The following ANK3 variants were observed in gnomAD, a reference collection of about 807,000 sequenced individuals.
ANK3 encodes ankyrin-3.
A neutral mutation model predicts 370.9 loss-of-function variants in ANK3; 57 were observed. The observed-to-expected ratio is 0.15, with a 90% CI of 0.12 to 0.19. The LOEUF (loss-of-function observed/expected upper bound fraction) is 0.19. ANK3 is among the 10% of genes least tolerant of loss of function. The pLI is 1.00. For missense variants in ANK3, 4,439 were observed against 5,302.1 expected, an observed-to-expected ratio of 0.84 and a Z score of 5.06; for synonymous variants, 1,929 against 1,946.3, an observed-to-expected ratio of 0.99 and a Z score of 0.23.
chr10:60,203,027 C>T lies in ANK3; in HGVS notation c.1367G>A (p.Gly456Glu). The change falls in exon 12 of 44, where the codon GGA becomes GAA. Residue 456 changes from glycine (G) to glutamate (E), a missense_variant. By Grantham distance (98) the Gly-to-Glu change is moderately conservative. Transcript: ENST00000280772. ...VNIVSQLMHH[G>E]ASPNTTNVRG... ...CACATTGGTGGTGTTTGGTGAGGCT[C>T]CATGATGCATTAGTTGTGATACAAT... is the stretch of plus-strand genomic sequence containing the variant. 1 of 1,612,842 alleles carries T rather than the reference C, an allele frequency of 6.2e-7. No homozygotes were observed. The highest frequency in any genetic ancestry group is 8.5e-7 in the Non-Finnish European group (1 of 1,179,244).
At chr10:60,257,033 T>A (rs2097750210) in intron 7 of ANK3, among the ~76,000 whole-genome samples, 1 of 152,188 alleles carries the variant, frequency 6.6e-6, no homozygotes, top group South Asian at 2.1e-4. Flanking sequence ...CTTTGAGAAA[T>A]CTCCAAACTG....
chr10:60,545,415 T>C (rs1052762670), intron 2 of ANK3, among the ~76,000 whole-genome samples: 2 of 148,142 alleles, frequency 1.4e-5, no homozygotes, highest in Non-Finnish European at 3.0e-5. Flanking sequence ...ACTTCCAGAA[T>C]TGAAATTCTG....
At chr10:60,397,873 G>C (rs944765084) in intron 2 of ANK3, among the ~76,000 whole-genome samples, 1 of 152,108 alleles carries the variant, frequency 6.6e-6, no homozygotes, top group African/African-American at 2.4e-5. Context: ...AATACAACTC[G>C]AGAACAATTT....
chr10:60,186,347 C>CGCTCTT (rs2096330025), intron 17 of ANK3, among the ~76,000 whole-genome samples: 1 of 133,266 alleles, frequency 7.5e-6, no homozygotes, highest in African/African-American at 2.8e-5. Context: ...ATCTTTCTGT[C>CGCTCTT]TTTTTTTTTT....
At chr10:60,235,483 C>A (rs560972870) in intron 7 of ANK3, among the ~76,000 whole-genome samples, 8 of 150,822 alleles carry the variant, frequency 5.3e-5, no homozygotes, top group Non-Finnish European at 7.4e-5. Flanking sequence ...ATCTTACAGG[C>A]GCTATGATTA....
At chr10:60,725,860 G>A (rs776961149) in intron 1 of ANK3, among the ~76,000 whole-genome samples, 9 of 152,170 alleles carry the variant, frequency 5.9e-5, no homozygotes, top group Non-Finnish European at 8.8e-5. Flanking sequence ...GAAATTTTCC[G>A]AAACATAGGG....
At chr10:60,175,101 A>G (rs1297048244) in intron 18 of ANK3, among the ~76,000 whole-genome samples, 1 of 152,168 alleles carries the variant, frequency 6.6e-6, no homozygotes, top group African/African-American at 2.4e-5. Context: ...ATTATAATAC[A>G]GTGTTAGGAG....
intron 1 of ANK3, among the ~76,000 whole-genome samples, chr10:60,379,639 C>A (rs1439025557): frequency 6.6e-6 from 1 of 151,884 alleles, no homozygotes; most frequent in Non-Finnish European, 1.5e-5. Flanking sequence ...ACTGCATGTT[C>A]TCATTCATAC....
rs756312346 is a variant in ANK3 at position 60,208,222 on chromosome 10, A to G, written c.1008T>C (p.Ser336=). ...CCCCTTGTGTGGCCATGTGCAATGG[A>G]GATAATCCATTCTGGAACACATAAA... The part of the protein sequence containing the change: ...PILSKTKNGL[S]PLHMATQGDH... The change falls in exon 10 of 44, where the codon TCT becomes TCC. Residue 336 remains serine, a synonymous_variant. Coordinates refer to ENST00000280772, the MANE Select transcript of ANK3 (RefSeq NM_020987.5). 2 of 1,614,016 alleles carry G rather than the reference A, an allele frequency of 1.2e-6. No individual in the cohort carries two copies. The highest frequency in any genetic ancestry group is 4.5e-5 in the East Asian group (2 of 44,882).
In ANK3 at chr10:60,026,666, C is replaced by A. The variant is rs1299969834; in HGVS notation, c.*3180G>T. ...GAGGAACATCAGGATGCCAAAAAGT[C>A]CTTATTTACAGAGGAAAGGAGGCTA... On this transcript the variant is annotated 3_prime_UTR_variant, in exon 44 of 44. Coordinates refer to ENST00000280772, the MANE Select transcript of ANK3 (RefSeq NM_020987.5). 6.6e-6 allele frequency: 1 copy of A among 152,058 alleles called. No individual in the cohort carries two copies. The highest frequency in any genetic ancestry group is 1.5e-5 in the Non-Finnish European group (1 of 68,012). 9.4% of individuals were successfully genotyped at this position (152,058 alleles called of 1,614,324 possible).
chr10:60,492,920 CA>C (rs572692868), intron 2 of ANK3, among the ~76,000 whole-genome samples: 18,576 of 136,598 alleles, frequency 0.14, 1,371 homozygotes, highest in African/African-American at 0.22. Flanking sequence ...ACTAAAAATA[CA>C]AAAAAAAAAT....
chr10:60,279,703 C>A, intron 1 of ANK3, 64 bp from the exon 2 acceptor site: 2 of 1,237,554 alleles, frequency 1.6e-6, no homozygotes, highest in East Asian at 2.4e-5. Flanking sequence ...TATAAACTAT[C>A]CAGCTTAAGG....
chr10:60,109,033 C>T lies in ANK3; in HGVS notation c.2970G>A (p.Val990=). ...CTCTCATGGAGCCCCCTCTCGCGTC[C>T]ACCATAAAGCTAACCAGAAACCTGA... ...IHSGFLVSFM[V]DARGGSMRGS... The change falls in exon 27 of 44, where the codon GTG becomes GTA. Residue 990 remains valine, a synonymous_variant. Coordinates refer to ENST00000280772, the MANE Select transcript of ANK3 (RefSeq NM_020987.5). 6.2e-7 allele frequency: 1 copy of T among 1,613,266 alleles called. No individual in the cohort carries two copies. Among genetic ancestry groups the T allele is most frequent in the South Asian group, 1.1e-5 (1 of 91,028 alleles).
intron 1 of ANK3, among the ~76,000 whole-genome samples, chr10:60,697,198 G>T (rs959341984): frequency 6.7e-6 from 1 of 150,026 alleles, no homozygotes; most frequent in South Asian, 2.1e-4. Context: ...ACTTACAAGG[G>T]ATGTGAAGGA....
rs74794974 is a variant in ANK3 at position 60,129,198 on chromosome 10, C to T, written c.2841+5073G>A. Among the ~76,000 whole-genome samples the T allele has an allele frequency of 7.4e-3, 1,130 of 152,296 alleles. 5 individuals carry two copies. Among genetic ancestry groups the T allele is most frequent in the Non-Finnish European group, 0.012 (850 of 68,034 alleles). On this transcript the variant is annotated intron_variant, in intron 25 of 43. Transcript: ENST00000280772. ...GCTTCCAGTGAGAGTTGCCTTAAATCGGCAGTTACTAACTAAAGGTACACC... is the reference window on the plus strand; with the variant it reads ...GCTTCCAGTGAGAGTTGCCTTAAATTGGCAGTTACTAACTAAAGGTACACC...
chr10:60,213,037 T>C (rs1281346098), intron 9 of ANK3, among the ~76,000 whole-genome samples: 2 of 152,170 alleles, frequency 1.3e-5, no homozygotes, highest in African/African-American at 2.4e-5. Context: ...TAAAAGTCTA[T>C]GAACTCTCAA....
Position 60,205,787 on chromosome 10 carries a change from C to G in ANK3, c.1293+5G>C. The G allele has an allele frequency of 6.2e-7, 1 of 1,607,888 alleles. No homozygotes were observed. On this transcript the variant is annotated splice_donor_5th_base_variant and intron_variant, in intron 11 of 43. Coordinates refer to ENST00000280772, the MANE Select transcript of ANK3 (RefSeq NM_020987.5). ...AGGACTCCCAGAAATCTTAACTCTT[C>G]TCACCTCGGTTACAGCTTGGATGGA... is the stretch of plus-strand genomic sequence containing the variant.
At chr10:60,105,864 GCC>G (rs763132644) in intron 28 of ANK3, 39 bp downstream of exon 28, 1 of 1,539,072 alleles carries the variant, frequency 6.5e-7, no homozygotes, top group Non-Finnish European at 8.7e-7. Context: ...TTTAATTTCT[GCC>G]TGCAGACATT....
chr10:60,633,965 A>C (rs2078518629), intron 1 of ANK3, among the ~76,000 whole-genome samples: 1 of 152,238 alleles, frequency 6.6e-6, no homozygotes, highest in South Asian at 2.1e-4. Flanking sequence ...ACGGACAAAG[A>C]AATAGAATAC....
Sources: gnomAD v4.1 joint callset for allele counts (sites outside exome capture counted in the v4.1 genomes callset) on GRCh38, gnomAD v4.1.1 for gene constraint, MANE v1.5 for transcripts, NCBI Gene and HGNC (gene_info 2026-07-23, HGNC 2026-07-21) for gene names.